Variants in PTPRD observed in about 807,000 individuals in gnomAD.
PTPRD encodes receptor-type tyrosine-protein phosphatase delta.
PTPRD carries 34 observed loss-of-function variants against 214.5 expected under a neutral mutation model. The observed-to-expected ratio is 0.16, with a 90% CI of 0.12 to 0.21. The LOEUF is 0.21. Ranked by LOEUF, PTPRD falls within the 10% of genes least tolerant of loss-of-function variation. PTPRD has a pLI of 1.00. For missense variants in PTPRD, 2,545 were observed against 2,398.7 expected, an observed-to-expected ratio of 1.06 and a Z score of -1.27; for synonymous variants, 1,128 against 845.7, an observed-to-expected ratio of 1.33 and a Z score of -5.79.
intron 9 of PTPRD, among the ~76,000 whole-genome samples, chr9:9,326,243 C>A (rs895418600): frequency 4.6e-4 from 70 of 152,146 alleles, no homozygotes; most frequent in African/African-American, 1.6e-3. Flanking sequence ...TGATCTTTCA[C>A]TCAAATATCT....
chr9:9,196,331 T>C (rs570765947), intron 9 of PTPRD, among the ~76,000 whole-genome samples: 1 of 152,324 alleles, frequency 6.6e-6, no homozygotes, highest in East Asian at 1.9e-4. Context: ...TCATTTTATA[T>C]GTATTAAACA....
intron 7 of PTPRD, among the ~76,000 whole-genome samples, chr9:9,701,603 G>A (rs1391499114): frequency 2.6e-5 from 4 of 152,102 alleles, no homozygotes; most frequent in African/African-American, 9.7e-5. Context: ...GGTAGAGGTG[G>A]GGATGGCAAA....
chr9:9,300,774 T>A (rs555105103), intron 9 of PTPRD, among the ~76,000 whole-genome samples: 2 of 151,958 alleles, frequency 1.3e-5, no homozygotes, highest in East Asian at 3.9e-4. Flanking sequence ...AAAAATAAAT[T>A]TCTGCTGTTT....
chr9:8,535,648 C>G (rs2076751112), intron 14 of PTPRD, among the ~76,000 whole-genome samples: 1 of 151,776 alleles, frequency 6.6e-6, no homozygotes, highest in African/African-American at 2.4e-5. Flanking sequence ...GGGAGTAGGT[C>G]ATGTTAAGAA....
intron 9 of PTPRD, among the ~76,000 whole-genome samples, chr9:9,311,092 A>T (rs148630361): frequency 6.6e-6 from 1 of 152,224 alleles, no homozygotes; most frequent in African/African-American, 2.4e-5. Flanking sequence ...AAGTTTGTAC[A>T]GGGCAAAATA....
chr9:8,856,687 C>G (rs938800145), intron 11 of PTPRD, among the ~76,000 whole-genome samples: 2 of 152,140 alleles, frequency 1.3e-5, no homozygotes, highest in Admixed American at 1.3e-4. Flanking sequence ...AAGTAGCGTA[C>G]TGGGAGGCGA....
intron 3 of PTPRD, among the ~76,000 whole-genome samples, chr9:10,044,769 A>G (rs942954989): frequency 1.3e-5 from 2 of 151,734 alleles, no homozygotes; most frequent in African/African-American, 4.8e-5. Context: ...TATTATAATC[A>G]CACAGCAGCA....
intron 4 of PTPRD, among the ~76,000 whole-genome samples, chr9:9,974,918 T>G (rs1278193789): frequency 6.6e-6 from 1 of 152,182 alleles, no homozygotes; most frequent in African/African-American, 2.4e-5. Flanking sequence ...AAGCCTTATT[T>G]CTGAGATATT....
At chr9:8,985,642 CAAA>C (rs370886793) in intron 11 of PTPRD, among the ~76,000 whole-genome samples, 4 of 118,440 alleles carry the variant, frequency 3.4e-5, no homozygotes, top group Non-Finnish European at 3.7e-5. Flanking sequence ...GTGCCTTTTA[CAAA>C]AAAAAAAAAA....
At chr9:8,856,950 T>A (rs770087494) in intron 11 of PTPRD, among the ~76,000 whole-genome samples, 1 of 152,164 alleles carries the variant, frequency 6.6e-6, no homozygotes, top group African/African-American at 2.4e-5. Flanking sequence ...CAAATAATCT[T>A]TGGTTTGTTC....
chr9:8,765,299 T>C (rs193208450), intron 11 of PTPRD, among the ~76,000 whole-genome samples: 56 of 152,252 alleles, frequency 3.7e-4, no homozygotes, highest in African/African-American at 1.2e-3. Context: ...GGTAATGCAA[T>C]AACATTATGC....
chr9:9,982,478 GT>G (rs796728419), intron 4 of PTPRD, among the ~76,000 whole-genome samples: 13,517 of 147,886 alleles, frequency 0.091, 1,307 homozygotes, highest in African/African-American at 0.24. Context: ...TGGTGGTGGT[GT>G]GTGTGTGTGT....
chr9:9,048,386 A>T (rs570767417), intron 10 of PTPRD, among the ~76,000 whole-genome samples: 1 of 152,318 alleles, frequency 6.6e-6, no homozygotes, highest in Non-Finnish European at 1.5e-5. Context: ...ACAACAGCTA[A>T]GATTTAAAAG....
intron 2 of PTPRD, among the ~76,000 whole-genome samples, chr9:10,485,515 T>C (rs2099127015): frequency 6.6e-6 from 1 of 152,150 alleles, no homozygotes; most frequent in Non-Finnish European, 1.5e-5. Flanking sequence ...TTCCATGTTT[T>C]GGTGTCCCCT....
chr9:8,859,917 T>A (rs972370995), intron 11 of PTPRD: 1 of 152,148 alleles, frequency 6.6e-6, no homozygotes, highest in African/African-American at 2.4e-5. Context: ...GTGCAAGCCT[T>A]CAAACGAGGT....
intron 9 of PTPRD, among the ~76,000 whole-genome samples, chr9:9,307,408 T>C (rs1037992285): frequency 4.6e-5 from 7 of 152,188 alleles, no homozygotes; most frequent in Admixed American, 3.3e-4. Flanking sequence ...AAATTTTAGC[T>C]TACCTCCATT....
At chr9:8,514,654 A>C (rs2097753560) in intron 21 of PTPRD, among the ~76,000 whole-genome samples, 1 of 152,148 alleles carries the variant, frequency 6.6e-6, no homozygotes, top group South Asian at 2.1e-4. Flanking sequence ...AAATGAAACA[A>C]TTGCGTTTTT....
chr9:9,713,671 G>A (rs376200402), intron 7 of PTPRD, among the ~76,000 whole-genome samples: 116 of 152,186 alleles, frequency 7.6e-4, no homozygotes, highest in African/African-American at 2.5e-3. Flanking sequence ...ATAAATCACC[G>A]TTTCAAGAGA....
intron 10 of PTPRD, among the ~76,000 whole-genome samples, chr9:9,062,853 G>T (rs140919158): frequency 1.3e-5 from 2 of 152,094 alleles, no homozygotes; most frequent in South Asian, 2.1e-4. Flanking sequence ...CAGGCAGCTC[G>T]TAAACTTCAG....
Sources: allele counts gnomAD v4.1 joint callset (sites outside exome capture counted in the v4.1 genomes callset), GRCh38; gene constraint gnomAD v4.1.1; transcripts MANE v1.5; gene names NCBI Gene and HGNC (gene_info 2026-07-23, HGNC 2026-07-21).